KCNJ1: variants seen among roughly 807,000 people sequenced by gnomAD.
KCNJ1 encodes the protein potassium inwardly rectifying channel subfamily J member 1.
KCNJ1 carries 24 observed loss-of-function variants against 21.9 expected under a neutral mutation model. The observed-to-expected ratio is 1.10, with a 90% confidence interval of 0.79 to 1.54. KCNJ1 has a LOEUF of 1.54. Ranked by LOEUF, KCNJ1 falls within the 40% of genes most tolerant of loss-of-function variation. KCNJ1 has a pLI of 0.00. For synonymous variants in KCNJ1, 152 were observed against 160.9 expected (o/e 0.94, Z 0.42); for missense variants, 457 against 455.4 (o/e 1.00, Z -0.03).
Position 128,839,336 on chromosome 11 carries a change from C to T in KCNJ1, c.908G>A (p.Gly303Asp), listed in dbSNP as rs776631415. 2 of 1,614,128 alleles carry T rather than the reference C, an allele frequency of 1.2e-6. No individual in the cohort carries two copies. Among genetic ancestry groups the T allele is most frequent in the Non-Finnish European group, 1.7e-6 (2 of 1,180,010 alleles). Residue 303 changes from glycine to aspartate, a missense_variant, in exon 3 of 3, where the codon GGC (glycine) becomes GAC (aspartate). By Grantham distance (94) the Gly-to-Asp change is moderately conservative. Coordinates refer to ENST00000392666, the MANE Select transcript of KCNJ1 (RefSeq NM_153766.3). ...GGATACTATGGGAGCAAAACGGTAGCCCCAAAGCACCTCCTCTGGGACATA... is the reference window on the plus strand; with the variant it reads ...GGATACTATGGGAGCAAAACGGTAGTCCCAAAGCACCTCCTCTGGGACATA... The part of the protein sequence containing the change: ...TSYVPEEVLW[G>D]YRFAPIVSKT...
rs143300901 is a variant in KCNJ1 at position 128,851,860 on chromosome 11, G to T, written c.-191-970C>A. ...ACTAGTATTCATTATGTTGCATGAGGCAAAGAAGGCTGGTGTAGCCCAGCT... is the reference window on the plus strand; with the variant it reads ...ACTAGTATTCATTATGTTGCATGAGTCAAAGAAGGCTGGTGTAGCCCAGCT... On this transcript the variant is annotated intron_variant, in intron 1 of 2. Transcript: ENST00000392666. Among the ~76,000 whole-genome samples, 396 of 152,306 alleles carry T rather than the reference G, an allele frequency of 2.6e-3. 2 individuals are homozygous for T. The highest frequency in any genetic ancestry group is 9.2e-3 in the African/African-American group (382 of 41,560).
At chr11:128,861,031 G>GTCC (rs1421401708) in intron 1 of KCNJ1, among the ~76,000 whole-genome samples, 1 of 152,222 alleles carries the variant, frequency 6.6e-6, no homozygotes, top group Non-Finnish European at 1.5e-5. Context: ...TGCCTCAAGT[G>GTCC]TCCTGCCTTC....
chr11:128,853,270 T>G (rs1430652721), intron 1 of KCNJ1, among the ~76,000 whole-genome samples: 1 of 152,230 alleles, frequency 6.6e-6, no homozygotes, highest in African/African-American at 2.4e-5. Flanking sequence ...AAACAGTTGA[T>G]GTCCATCAGC....
intron 1 of KCNJ1, among the ~76,000 whole-genome samples, chr11:128,865,337 GCA>G (rs919063022): frequency 9.2e-5 from 14 of 152,052 alleles, no homozygotes; most frequent in African/African-American, 3.4e-4. Flanking sequence ...CTGTTTCCAT[GCA>G]CATAGCCCCT....
chr11:128,851,965 C>A lies in KCNJ1; in HGVS notation c.-191-1075G>T, dbSNP rs148236017. On this transcript the variant is annotated intron_variant, in intron 1 of 2. Transcript: ENST00000392666. ...GGGATTTGGATGCCTTCTAGGCCCA[C>A]ACCTTAGCGTGTTTGAAGTTTCTCT... Among the ~76,000 whole-genome samples, 192 of 152,326 alleles carry A rather than the reference C, an allele frequency of 1.3e-3. 2 individuals carry two copies. The highest frequency in any genetic ancestry group is 4.5e-3 in the African/African-American group (187 of 41,574).
intron 2 of KCNJ1, among the ~76,000 whole-genome samples, chr11:128,845,474 A>G (rs1057338531): frequency 6.6e-6 from 1 of 152,194 alleles, no homozygotes; most frequent in Non-Finnish European, 1.5e-5. Context: ...ATCTCAAGCT[A>G]TTGGAGGATC....
chr11:128,857,703 G>A (rs1177094067), intron 1 of KCNJ1, among the ~76,000 whole-genome samples: 1 of 152,220 alleles, frequency 6.6e-6, no homozygotes, highest in East Asian at 1.9e-4. Context: ...TCCAGGGATG[G>A]TGTGGACACT....
In KCNJ1 at chr11:128,839,231, A is replaced by T. The variant is rs59172778; in HGVS notation, c.1013T>A (p.Met338Lys). 1 of 1,613,994 alleles carries T rather than the reference A, an allele frequency of 6.2e-7. No homozygotes were observed. Among genetic ancestry groups the T allele is most frequent in the African/African-American group, 1.3e-5 (1 of 74,912 alleles). ...AACATCTTTCTCATTATAAAGGCAC[A>T]TGGCACAGTGAGGGGTCTCCACTTC... ...TVEVETPHCA[M>K]CLYNEKDVRA... The change falls in exon 3 of 3, where the codon ATG becomes AAG. Residue 338 changes from methionine to lysine, a missense_variant. Met to Lys is a moderately conservative substitution (Grantham distance 95, BLOSUM62 -1). Coordinates refer to ENST00000392666, the MANE Select transcript of KCNJ1 (RefSeq NM_153766.3).
chr11:128,859,940 C>A (rs1172159559), intron 1 of KCNJ1, among the ~76,000 whole-genome samples: 4 of 152,248 alleles, frequency 2.6e-5, no homozygotes, highest in Non-Finnish European at 4.4e-5. Flanking sequence ...CTGCAGACGG[C>A]GGGCAGCAAA....
At chr11:128,842,447 T>C in intron 2 of KCNJ1, 1 of 1,613,662 alleles carries the variant, frequency 6.2e-7, no homozygotes, top group Non-Finnish European at 8.5e-7. Context: ...GTGGTGCTGG[T>C]TGTTGGTCTT....
intron 1 of KCNJ1, among the ~76,000 whole-genome samples, chr11:128,866,036 C>T (rs149713001): frequency 0.011 from 1,681 of 152,238 alleles, 38 homozygotes; most frequent in African/African-American, 0.038. Context: ...AAATGCTTTT[C>T]TGATGGCCCA....
intron 1 of KCNJ1, chr11:128,866,458 ACTCCTTTT>A (rs1161523654): frequency 3.7e-6 from 2 of 537,636 alleles, no homozygotes; most frequent in East Asian, 2.9e-4. Flanking sequence ...CGAAAGACCA[ACTCCTTTT>A]AAGCGTCTAT....
rs567075500 is a variant in KCNJ1, at chr11:128,839,638, A to G, written c.606T>C (p.Leu202=). ...GCTTTCCATAAATGTGACTGCCAAT[A>G]AGAAGGCTCTTCCTGAGATTAGCCA... ...IRVANLRKSL[L]IGSHIYGKLL... is the part of the protein sequence containing the mutation. Residue 202 remains leucine (L), a synonymous_variant, in exon 3 of 3, where the codon CTT becomes CTC. Transcript: ENST00000392666. The G allele has an allele frequency of 1.9e-6, 3 of 1,613,808 alleles. No individual in the cohort carries two copies. The highest frequency in any genetic ancestry group is 2.2e-5 in the East Asian group (1 of 44,888).
At chr11:128,841,990 C>T (rs1475146518) in intron 2 of KCNJ1, among the ~76,000 whole-genome samples, 1 of 152,144 alleles carries the variant, frequency 6.6e-6, no homozygotes, top group Admixed American at 6.5e-5. Flanking sequence ...TACACACATC[C>T]TTTACCCTGG....
At chr11:128,859,334 A>G (rs1198910549) in intron 1 of KCNJ1, among the ~76,000 whole-genome samples, 4 of 152,198 alleles carry the variant, frequency 2.6e-5, no homozygotes, top group Non-Finnish European at 4.4e-5. Flanking sequence ...AGCTCACTGC[A>G]GCCTCTACCT....
intron 1 of KCNJ1, among the ~76,000 whole-genome samples, chr11:128,858,641 A>G (rs1453980269): frequency 6.6e-6 from 1 of 152,238 alleles, no homozygotes; most frequent in Non-Finnish European, 1.5e-5. Flanking sequence ...CACTGACATT[A>G]ACAGATCTCA....
At position 128,840,158 on chromosome 11, in the gene KCNJ1, C is replaced by A; in HGVS notation, c.86G>T (p.Arg29Met). 1 of 1,614,170 alleles carries A rather than the reference C, an allele frequency of 6.2e-7. No individual in the cohort carries two copies. The highest frequency in any genetic ancestry group is 8.5e-7 in the Non-Finnish European group (1 of 1,180,030). ...QRARLVSKDGRCNIEFGNVEA... is the reference protein window; with the variant it reads ...QRARLVSKDGMCNIEFGNVEA... ...CACATTGCCAAATTCTATGTTGCAC[C>A]TTCCATCTTTGGAGACTAGCCTTGC... is the stretch of plus-strand genomic sequence containing the variant. The change falls in exon 3 of 3, where the codon AGG (arginine) becomes ATG (methionine). Residue 29 changes from arginine (R) to methionine (M), a missense_variant. Transcript: ENST00000392666.
chr11:128,854,142 C>T lies in KCNJ1; in HGVS notation c.-191-3252G>A, dbSNP rs952712628. Among the ~76,000 whole-genome samples, 3 of 152,108 alleles carry T rather than the reference C, an allele frequency of 2.0e-5. 1 individual carries two copies. The highest frequency in any genetic ancestry group is 4.2e-4 in the South Asian group (2 of 4,810). On this transcript the variant is annotated intron_variant, in intron 1 of 2. Transcript: ENST00000392666. ...AGCTCCAGGGTGAAGTCCCTCACACCTCCCAGTGCCAGAGGGCAGGTCTGT... is the reference window on the plus strand; with the variant it reads ...AGCTCCAGGGTGAAGTCCCTCACACTTCCCAGTGCCAGAGGGCAGGTCTGT...
intron 1 of KCNJ1, among the ~76,000 whole-genome samples, chr11:128,854,740 T>C (rs1300459745): frequency 1.3e-5 from 2 of 152,146 alleles, no homozygotes; most frequent in Non-Finnish European, 2.9e-5. Context: ...ACAAAGAATG[T>C]CCCCAACCAC....
Sources: gnomAD v4.1 joint callset for allele counts (sites outside exome capture counted in the v4.1 genomes callset) on GRCh38, gnomAD v4.1.1 for gene constraint, MANE v1.5 for transcripts, NCBI Gene and HGNC (gene_info 2026-07-23, HGNC 2026-07-21) for gene names.